KDM3A: variants seen among roughly 807,000 people sequenced by gnomAD.
KDM3A encodes lysine-specific demethylase 3A.
Under a neutral mutation model 158.0 loss-of-function variants are expected in KDM3A, and 60 were observed. The ratio of observed to expected loss-of-function variants is 0.38; its 90% CI spans 0.31 to 0.47. The LOEUF (loss-of-function observed/expected upper bound fraction) is 0.47, where lower values mean the gene tolerates loss of function less well. Among genes scored for constraint, KDM3A ranks in the 20% least tolerant of loss-of-function variants. The pLI, the probability that KDM3A is intolerant of heterozygous loss-of-function variation, is 0.99. For missense variants in KDM3A, 1,319 were observed against 1,574.3 expected (o/e 0.84, Z 2.74); for synonymous variants, 608 against 549.3 (o/e 1.11, Z -1.49).
At chr2:86,480,919 A>T (rs922094239) in intron 16 of KDM3A, among the ~76,000 whole-genome samples, 1 of 152,208 alleles carries the variant, frequency 6.6e-6, no homozygotes, top group African/African-American at 2.4e-5. Context: ...GTGATGCCCA[A>T]TCATCAATAC....
rs143403947 is a variant in KDM3A, at chr2:86,452,626, C to T, written c.453+1413C>T. 2.2e-4 allele frequency among the ~76,000 whole-genome samples: 33 copies of T among 152,244 alleles called. 2 individuals carry two copies. In the East Asian group the frequency reaches 6.2e-3, roughly 28 times the overall value. On this transcript the variant is annotated intron_variant, in intron 4 of 25. Coordinates refer to ENST00000312912, the MANE Select transcript of KDM3A (RefSeq NM_018433.6). The stretch of plus-strand genomic sequence containing the variant: ...GATATCATTTATAAAGCTGAATAAT[C>T]TTCTTTACCGCCTTCTGTTTTGTGA...
chr2:86,450,983 C>G (rs1573147502), intron 3 of KDM3A, 120 bp from the exon 4 acceptor site: 1 of 585,110 alleles, frequency 1.7e-6, no homozygotes, highest in African/African-American at 1.9e-5. Flanking sequence ...AGATAACTTG[C>G]AGTAAATAAA....
intron 1 of KDM3A, 38 bp from the exon 2 acceptor site, chr2:86,441,980 G>T (rs1183851157): frequency 4.4e-6 from 5 of 1,138,232 alleles, no homozygotes; most frequent in African/African-American, 1.6e-5. Flanking sequence ...CCCTCCCACC[G>T]GCCGCCCCCG....
chr2:86,438,060 T>C (rs1682519496), upstream of KDM3A, among the ~76,000 whole-genome samples: 1 of 152,146 alleles, frequency 6.6e-6, no homozygotes, highest in African/African-American at 2.4e-5. Context: ...CCTGACTTTA[T>C]TGGGAATTTT....
upstream of KDM3A, chr2:86,441,336 G>A (rs1682689098): frequency 6.6e-6 from 1 of 152,396 alleles, no homozygotes; most frequent in South Asian, 2.1e-4. Context: ...GGCGGGTCCG[G>A]GAGGCTGTGC....
chr2:86,490,218 TTTTAAAATTG>T (rs1288395866), intron 23 of KDM3A: 1 of 152,566 alleles, frequency 6.6e-6, no homozygotes, highest in Non-Finnish European at 1.5e-5. Flanking sequence ...TCGTGTTCAG[TTTTAAAATTG>T]TTTGGCACTG....
Position 86,492,208 on chromosome 2 carries a change from T to C in KDM3A, c.*89T>C. ...GGACTTTGAGATTCATGTTACCTCA[T>C]CTTCTTTTTTAAACTGTACCCAACT... On this transcript the variant is annotated 3_prime_UTR_variant, in exon 26 of 26. Transcript: ENST00000312912. 1.1e-6 allele frequency: 1 copy of C among 937,870 alleles called. No individual in the cohort carries two copies. The highest frequency in any genetic ancestry group is 1.7e-6 in the Non-Finnish European group (1 of 587,892). The allele number at this position is 937,870 out of a possible 1,614,324, so 58.1% of individuals were successfully genotyped here. A position where few individuals can be genotyped will look rare whatever the true frequency, so the allele number is the denominator to read the frequency against.
At chr2:86,459,517 G>A (rs932859582) in intron 8 of KDM3A, among the ~76,000 whole-genome samples, 2 of 152,052 alleles carry the variant, frequency 1.3e-5, no homozygotes, top group African/African-American at 4.8e-5. Context: ...AGGAAGAAGG[G>A]TTGGGAATAG....
chr2:86,479,011 A>G lies in KDM3A; in HGVS notation c.2316+276A>G, dbSNP rs72844700. The stretch of plus-strand genomic sequence containing the variant: ...ACAAAGTTCTAAAGTAGTCTACCTA[A>G]TAAGTAGCTGTCGAATTTGTAAAGG... On this transcript the variant is annotated intron_variant, in intron 15 of 25. Transcript: ENST00000312912. 7,093 of 246,456 alleles carry G rather than the reference A, an allele frequency of 0.029. 152 individuals are homozygous for G. The highest frequency in any genetic ancestry group is 0.081 in the Middle Eastern group (64 of 790). The allele number at this position is 246,456 out of a possible 1,614,324, so 15.3% of individuals were successfully genotyped here.
chr2:86,491,426 C>A, intron 25 of KDM3A, 151 bp downstream of exon 25: 2 of 697,880 alleles, frequency 2.9e-6, no homozygotes, highest in Non-Finnish European at 4.9e-6. Context: ...GTACTACTAT[C>A]TACTTAAGTG....
chr2:86,455,616 T>C (rs976579721), intron 5 of KDM3A, among the ~76,000 whole-genome samples: 1 of 152,094 alleles, frequency 6.6e-6, no homozygotes, highest in Non-Finnish European at 1.5e-5. Flanking sequence ...CTAAAACCTC[T>C]GAAATTTGGA....
At position 86,442,000 on chromosome 2, in the gene KDM3A, G is replaced by C. The variant is rs1245560247; in HGVS notation, c.-30-18G>C. 7.0e-6 allele frequency: 11 copies of C among 1,563,478 alleles called. No individual in the cohort carries two copies. The highest frequency in any genetic ancestry group is 9.6e-6 in the Non-Finnish European group (11 of 1,147,966). ...CCACCGGCCGCCCCCGTCGCATTTT[G>C]TTTTTGTGTTTTTGCAGGGAGGAGC... On this transcript the variant is annotated intron_variant, in intron 1 of 25. Transcript: ENST00000312912.
chr2:86,452,590 T>C (rs1672516501), intron 4 of KDM3A, among the ~76,000 whole-genome samples: 1 of 152,186 alleles, frequency 6.6e-6, no homozygotes, highest in African/African-American at 2.4e-5. Flanking sequence ...TATAATAATA[T>C]TCATCTTTTA....
chr2:86,452,230 A>G (rs1460371220), intron 4 of KDM3A, among the ~76,000 whole-genome samples: 1 of 151,676 alleles, frequency 6.6e-6, no homozygotes, highest in Non-Finnish European at 1.5e-5. Context: ...ACTGTTTAAA[A>G]TGGCCCCCAA....
chr2:86,455,019 C>A, intron 4 of KDM3A, 66 bp from the exon 5 acceptor site: 1 of 927,664 alleles, frequency 1.1e-6, no homozygotes, highest in Non-Finnish European at 1.6e-6. Flanking sequence ...AAATAGCCCA[C>A]TGGAATTTAA....
Position 86,478,607 on chromosome 2 carries a change from G to A in KDM3A, c.2189-1G>A. 6.2e-7 allele frequency: 1 copy of A among 1,613,920 alleles called. No homozygotes were observed. The highest frequency in any genetic ancestry group is 8.5e-7 in the Non-Finnish European group (1 of 1,179,938). On this transcript the variant is annotated splice_acceptor_variant, in intron 14 of 25. Transcript: ENST00000312912. LOFTEE classifies it high-confidence loss of function. ...GATGTTTGCCTCTGCCCTTTCTTTA[G>A]CACTCTATGATGTTGGAGACATTGT...
At chr2:86,480,048 T>TA in intron 15 of KDM3A, 119 bp from the exon 16 acceptor site, 1 of 741,006 alleles carries the variant, frequency 1.3e-6, no homozygotes, top group East Asian at 2.5e-5. Context: ...GGCTAACTAT[T>TA]AGGTGGTTTT....
intron 15 of KDM3A, 68 bp downstream of exon 15, chr2:86,478,803 A>G (rs1673787695): frequency 8.0e-6 from 12 of 1,506,114 alleles, no homozygotes; most frequent in Non-Finnish European, 1.1e-5. Context: ...CAAATAACCC[A>G]AGGATTTCTA....
chr2:86,472,093 A>T (rs1673442733), intron 11 of KDM3A, among the ~76,000 whole-genome samples: 1 of 151,920 alleles, frequency 6.6e-6, no homozygotes, highest in South Asian at 2.1e-4. Context: ...GAGTGGTTTA[A>T]GTTGCAAAGG....
Sources: gnomAD v4.1 joint callset for allele counts (sites outside exome capture counted in the v4.1 genomes callset) on GRCh38, gnomAD v4.1.1 for gene constraint, MANE v1.5 for transcripts, NCBI Gene and HGNC (gene_info 2026-07-23, HGNC 2026-07-21) for gene names.